Variants in EXPH5 observed in about 807,000 individuals in gnomAD.
EXPH5 encodes exophilin 5.
In EXPH5, 42 loss-of-function variants were observed where a neutral mutation model predicts 41.1. The observed-to-expected ratio is 1.02, with a 90% CI of 0.80 to 1.32. The LOEUF (loss-of-function observed/expected upper bound fraction) is 1.32. Among genes scored for constraint, EXPH5 ranks in the 40% most tolerant of loss-of-function variants. The probability of loss-of-function intolerance (pLI) is 0.00; values close to 1 mark genes in which losing one functional copy is unlikely to be tolerated. For synonymous variants in EXPH5, 798 were observed against 833.5 expected, an observed-to-expected ratio of 0.96 and a Z score of 0.73; for missense variants, 2,298 against 2,314.5, an observed-to-expected ratio of 0.99 and a Z score of 0.15.
chr11:108,591,363 C>T (rs2094127177), intron 1 of EXPH5, among the ~76,000 whole-genome samples: 1 of 152,156 alleles, frequency 6.6e-6, no homozygotes, highest in African/African-American at 2.4e-5. Context: ...GAAATTAATA[C>T]ATGTGAGCCT....
At chr11:108,520,943 C>T (rs979554555) in intron 4 of EXPH5, among the ~76,000 whole-genome samples, 2 of 152,188 alleles carry the variant, frequency 1.3e-5, no homozygotes, top group Admixed American at 1.3e-4. Flanking sequence ...TACTTTCAAG[C>T]TTTTGTCTTC....
At chr11:108,556,595 C>T (rs2093991169) in intron 1 of EXPH5, among the ~76,000 whole-genome samples, 1 of 152,174 alleles carries the variant, frequency 6.6e-6, no homozygotes, top group Non-Finnish European at 1.5e-5. Context: ...GCCTCAGCCT[C>T]CCGAGTAGCT....
intron 1 of EXPH5, among the ~76,000 whole-genome samples, chr11:108,565,142 G>A (rs1461903326): frequency 6.6e-6 from 1 of 152,038 alleles, no homozygotes; most frequent in South Asian, 2.1e-4. Context: ...CTGACCTCAG[G>A]TGATCCGCCC....
intron 1 of EXPH5, among the ~76,000 whole-genome samples, chr11:108,578,079 G>A (rs79473092): frequency 0.015 from 2,256 of 152,276 alleles, 48 homozygotes; most frequent in African/African-American, 0.05. Flanking sequence ...TTGGTTGCCT[G>A]TCCTTTTGAC....
chr11:108,592,505 A>T (rs1055630180), intron 1 of EXPH5, among the ~76,000 whole-genome samples: 1 of 152,198 alleles, frequency 6.6e-6, no homozygotes, highest in African/African-American at 2.4e-5. Flanking sequence ...TCTGAGAGTG[A>T]TGTCCTGAAT....
intron 1 of EXPH5, among the ~76,000 whole-genome samples, chr11:108,555,166 G>A (rs555830589): frequency 2.0e-5 from 3 of 152,202 alleles, no homozygotes; most frequent in Non-Finnish European, 4.4e-5. Flanking sequence ...GTCATCACCC[G>A]GCTAGCTCTC....
Position 108,510,757 on chromosome 11 carries a change from T to G in EXPH5, c.4750A>C (p.Lys1584Gln), listed in dbSNP as rs751247263. 2 of 1,614,176 alleles carry G rather than the reference T, an allele frequency of 1.2e-6. No individual in the cohort carries two copies. The highest frequency in any genetic ancestry group is 1.7e-6 in the Non-Finnish European group (2 of 1,180,036). Residue 1584 changes from lysine (K) to glutamine (Q), a missense_variant, in exon 6 of 6, where the codon AAG becomes CAG. Coordinates refer to ENST00000265843, the MANE Select transcript of EXPH5 (RefSeq NM_015065.3). ...TTAACTGAAGATCTATTTTCCCCCTTTACTAGGTCATCCAAGTTGGTTTTA... is the reference window on the plus strand; with the variant it reads ...TTAACTGAAGATCTATTTTCCCCCTGTACTAGGTCATCCAAGTTGGTTTTA... ...KNKTNLDDLV[K>Q]GENRSSVKHR...
chr11:108,579,200 G>GC (rs796431450), intron 1 of EXPH5, among the ~76,000 whole-genome samples: 2 of 144,964 alleles, frequency 1.4e-5, no homozygotes, highest in Non-Finnish European at 3.0e-5. Flanking sequence ...TTTGTTGAGA[G>GC]TTTTTTTTTT....
chr11:108,570,745 T>C (rs1283958751), intron 1 of EXPH5, among the ~76,000 whole-genome samples: 1 of 152,186 alleles, frequency 6.6e-6, no homozygotes. Context: ...GGGGTCTCGC[T>C]ACGTTGTTCA....
chr11:108,516,012 C>A (rs1218086988), intron 5 of EXPH5, among the ~76,000 whole-genome samples: 1 of 142,156 alleles, frequency 7.0e-6, no homozygotes, highest in South Asian at 2.2e-4. Flanking sequence ...GCAGAGCTTG[C>A]AGTGAGCCAA....
chr11:108,532,337 TG>T (rs2093843495), intron 3 of EXPH5, among the ~76,000 whole-genome samples: 1 of 40,374 alleles, frequency 2.5e-5, no homozygotes, highest in Admixed American at 3.0e-4. Flanking sequence ...ACCACCACAC[TG>T]GATATATATA....
chr11:108,559,294 C>T lies in EXPH5; in HGVS notation c.120-17482G>A, dbSNP rs528796052. On this transcript the variant is annotated intron_variant, in intron 1 of 5. Coordinates refer to ENST00000265843, the MANE Select transcript of EXPH5 (RefSeq NM_015065.3). ...TTTTAGCTTTTGCGTCCCTCTTATT[C>T]CCCTTTATACAGATGCTCAGACATC... Among the ~76,000 whole-genome samples, 4 of 152,292 alleles carry T rather than the reference C, an allele frequency of 2.6e-5. No individual in the cohort carries two copies. In the East Asian group the frequency reaches 5.8e-4, roughly 22 times the overall value.
At chr11:108,577,165 C>G (rs2094082572) in intron 1 of EXPH5, among the ~76,000 whole-genome samples, 1 of 152,126 alleles carries the variant, frequency 6.6e-6, no homozygotes, top group Non-Finnish European at 1.5e-5. Context: ...GTAGGTTGAT[C>G]TGTATCCTGG....
chr11:108,566,290 T>C (rs1478453959), intron 1 of EXPH5, among the ~76,000 whole-genome samples: 1 of 152,224 alleles, frequency 6.6e-6, no homozygotes, highest in Non-Finnish European at 1.5e-5. Flanking sequence ...TTGTTCATCA[T>C]GAGTGATACT....
At chr11:108,588,380 C>G (rs894208053) in intron 1 of EXPH5, among the ~76,000 whole-genome samples, 1 of 152,066 alleles carries the variant, frequency 6.6e-6, no homozygotes, top group Non-Finnish European at 1.5e-5. Flanking sequence ...GTGGATAGAT[C>G]CCAGTCCTGG....
Position 108,514,101 on chromosome 11 carries a change from C to T in EXPH5, c.1406G>A (p.Ser469Asn), listed in dbSNP as rs779587494. 3.7e-6 allele frequency: 6 copies of T among 1,613,648 alleles called. No individual in the cohort carries two copies. Among genetic ancestry groups the T allele is most frequent in the African/African-American group, 2.7e-5 (2 of 74,922 alleles). Residue 469 changes from serine to asparagine, a missense_variant, in exon 6 of 6, where the codon AGC (serine) becomes AAC (asparagine). By Grantham distance (46) the Ser-to-Asn change is conservative. Transcript: ENST00000265843. ...RSFFSNTFGR[S>N]GEQRRFGQGP... is the part of the protein sequence containing the mutation. ...TTGTCCAAATCTCCTCTGTTCTCCG[C>T]TTCGTCCAAAGGTATTGCTGAAGAA...
chr11:108,528,056 A>G, intron 4 of EXPH5, 80 bp downstream of exon 4: 3 of 841,788 alleles, frequency 3.6e-6, no homozygotes, highest in Non-Finnish European at 6.1e-6. Flanking sequence ...CGAGGGGAAT[A>G]CTACTGAAAT....
In EXPH5 at chr11:108,514,328, T is replaced by C; in HGVS notation, c.1179A>G (p.Ser393=). 2 of 1,613,378 alleles carry C rather than the reference T, an allele frequency of 1.2e-6. No individual in the cohort carries two copies. Among genetic ancestry groups the C allele is most frequent in the Non-Finnish European group, 1.7e-6 (2 of 1,179,626 alleles). ...TGTCAGCGGGATCAATTTCCATTGGTGATGGTGCCCTCAGGAACTCTTCCT... is the reference window on the plus strand; with the variant it reads ...TGTCAGCGGGATCAATTTCCATTGGCGATGGTGCCCTCAGGAACTCTTCCT... ...ENQEEFLRAP[S]PMEIDPADKY... is the part of the protein sequence containing the mutation. Residue 393 remains serine, a synonymous_variant, in exon 6 of 6, where the codon TCA becomes TCG. Transcript: ENST00000265843.
At chr11:108,518,210 A>C in intron 5 of EXPH5, 25 bp downstream of exon 5, 1 of 1,605,090 alleles carries the variant, frequency 6.2e-7, no homozygotes, top group South Asian at 1.1e-5. Context: ...AGTAGTTGCA[A>C]AGGCAATTTA....
Sources: gnomAD v4.1 joint callset for allele counts (sites outside exome capture counted in the v4.1 genomes callset) on GRCh38, gnomAD v4.1.1 for gene constraint, MANE v1.5 for transcripts, NCBI Gene and HGNC (gene_info 2026-07-23, HGNC 2026-07-21) for gene names.